The following ITPRID2 variants were observed in gnomAD, a reference collection of about 807,000 sequenced individuals.
The protein encoded by ITPRID2 is ITPR interacting domain containing 2, also known as protein ITPRID2.
A neutral mutation model predicts 124.3 loss-of-function variants in ITPRID2; 60 were observed. That is an observed-to-expected ratio of 0.48 (90% CI 0.39 to 0.60). ITPRID2 has a LOEUF of 0.60. ITPRID2 is among the 20% of genes least tolerant of loss of function. ITPRID2 has a pLI of 0.00. For missense variants in ITPRID2, 1,553 were observed against 1,512.2 expected (o/e 1.03, Z -0.45); for synonymous variants, 521 against 542.9 (o/e 0.96, Z 0.56).
chr2:181,909,366 T>C (rs903001323), intron 8 of ITPRID2, among the ~76,000 whole-genome samples: 3 of 152,322 alleles, frequency 2.0e-5, no homozygotes, highest in Non-Finnish European at 2.9e-5. Context: ...GCGAGACTTA[T>C]AATTACCTCA....
Position 181,915,779 on chromosome 2 carries a change from C to T in ITPRID2, c.2139C>T (p.Ser713=), listed in dbSNP as rs567178064. Residue 713 remains serine, a synonymous_variant, in exon 11 of 18, where the codon AGC becomes AGT. Transcript: ENST00000431877. ...CSLSNQRMGR[S]LLKSKDLLKQ... is the part of the protein sequence containing the mutation. Reference sequence around the variant, plus strand: ...TGTCTAATCAAAGGATGGGGCGTAGCCTGCTAAAATCAAAAGATTTGTTAA... The same window carrying T: ...TGTCTAATCAAAGGATGGGGCGTAGTCTGCTAAAATCAAAAGATTTGTTAA... 1.2e-6 allele frequency: 2 copies of T among 1,614,086 alleles called. No homozygotes were observed. Among genetic ancestry groups the T allele is most frequent in the South Asian group, 1.1e-5 (1 of 91,080 alleles).
At chr2:181,918,300 G>GT (rs1316012101) in intron 11 of ITPRID2, 39 of 1,129,538 alleles carry the variant, frequency 3.5e-5, no homozygotes, top group Non-Finnish European at 4.0e-5. Context: ...ACATTTTTGC[G>GT]TTTTGATTTT....
intron 2 of ITPRID2, among the ~76,000 whole-genome samples, chr2:181,894,848 T>C (rs1341830168): frequency 2.0e-5 from 3 of 152,130 alleles, no homozygotes; most frequent in Non-Finnish European, 2.9e-5. Context: ...TTCCTGTTAC[T>C]CTGCTTATCT....
intron 8 of ITPRID2, among the ~76,000 whole-genome samples, chr2:181,909,266 A>G (rs1440057665): frequency 1.3e-5 from 2 of 152,208 alleles, no homozygotes; most frequent in East Asian, 1.9e-4. Context: ...AGGACAAAGC[A>G]GTCTTAAACC....
At position 181,916,563 on chromosome 2, in the gene ITPRID2, A is replaced by G. The variant is rs1045208917; in HGVS notation, c.2787+136A>G. 6.1e-6 allele frequency: 7 copies of G among 1,156,266 alleles called. No individual in the cohort carries two copies. In the African/African-American group the frequency reaches 1.1e-4, roughly 18 times the overall value. 71.6% of individuals were successfully genotyped at this position (1,156,266 alleles called of 1,614,324 possible). On this transcript the variant is annotated intron_variant, in intron 11 of 17. Transcript: ENST00000431877. ...TCTGACATGTCTAAACTTAATCTGC[A>G]TCTGCCTTCGTTTTCTATCTTCCCT...
At chr2:181,904,914 C>T (rs1692976279) in intron 8 of ITPRID2, among the ~76,000 whole-genome samples, 1 of 152,108 alleles carries the variant, frequency 6.6e-6, no homozygotes, top group Non-Finnish European at 1.5e-5. Flanking sequence ...TGAGACTGCT[C>T]CTGGCCTGGT....
At position 181,892,679 on chromosome 2, in the gene ITPRID2, G is replaced by A; in HGVS notation, c.257+19G>A. 6.2e-7 allele frequency: 1 copy of A among 1,613,808 alleles called. No homozygotes were observed. The highest frequency in any genetic ancestry group is 8.5e-7 in the Non-Finnish European group (1 of 1,179,904). ...ACTGCCGGTGAGTGCTCCCTGGTCC[G>A]CCCGCGTCCCGGGGGAGATCCGTGC... On this transcript the variant is annotated intron_variant, in intron 2 of 17. Transcript: ENST00000431877. The surrounding 1 kb of genome is among the most constrained non-coding windows in gnomAD (Gnocchi z 5.2).
chr2:181,892,211 C>T lies in ITPRID2; in HGVS notation c.145C>T (p.Gln49Ter). The T allele has an allele frequency of 6.4e-7, 1 of 1,552,138 alleles. No homozygotes were observed. The highest frequency in any genetic ancestry group is 8.7e-7 in the Non-Finnish European group (1 of 1,147,684). ...TEDLSTEATT[Q>*]DEEEDEEEDL... ...GGATCTGTCCACAGAAGCGACGACG[C>T]AGGACGAGGAGGAGGACGAGGAGGA... is the stretch of plus-strand genomic sequence containing the variant. The change falls in exon 1 of 18, where the codon CAG becomes TAG. Residue 49 changes from glutamine to a stop codon, truncating the protein, a stop_gained. Coordinates refer to ENST00000431877, the MANE Select transcript of ITPRID2 (RefSeq NM_001130445.3). LOFTEE classifies it high-confidence loss of function. This position sits in a 1 kb window ranked among gnomAD's most constrained non-coding sequence, Gnocchi z 5.2.
intron 15 of ITPRID2, 108 bp downstream of exon 15, chr2:181,920,770 TG>T: frequency 1.2e-6 from 1 of 864,780 alleles, no homozygotes; most frequent in Non-Finnish European, 1.8e-6. Context: ...ATACATAATT[TG>T]ATAAATTATT....
chr2:181,897,559 G>C (rs1692304565), intron 4 of ITPRID2, among the ~76,000 whole-genome samples: 1 of 150,942 alleles, frequency 6.6e-6, no homozygotes, highest in Non-Finnish European at 1.5e-5. Context: ...TTTTCCAGTA[G>C]ATTTATAATA....
At chr2:181,921,818 A>G (rs1694499763) in intron 15 of ITPRID2, 130 bp from the exon 16 acceptor site, 1 of 825,330 alleles carries the variant, frequency 1.2e-6, no homozygotes, top group Non-Finnish European at 1.9e-6. Context: ...TAGTTATTAA[A>G]TTAATGGAAT....
chr2:181,902,545 G>T lies in ITPRID2; in HGVS notation c.1413+79G>T. 2 of 1,047,448 alleles carry T rather than the reference G, an allele frequency of 1.9e-6. No individual in the cohort carries two copies. Among genetic ancestry groups the T allele is most frequent in the Non-Finnish European group, 2.7e-6 (2 of 735,482 alleles). The allele number at this position is 1,047,448 out of a possible 1,614,324, so 64.9% of individuals were successfully genotyped here. A position where few individuals can be genotyped will look rare whatever the true frequency, so the allele number is the denominator to read the frequency against. On this transcript the variant is annotated intron_variant, in intron 8 of 17. Coordinates refer to ENST00000431877, the MANE Select transcript of ITPRID2 (RefSeq NM_001130445.3). This position sits in a 1 kb window ranked among gnomAD's most constrained non-coding sequence, Gnocchi z 4.4. ...ACCAAAAATGCTTATAAAATGAGAG[G>T]TAGCTAATAGATTTATACTAGAAAA... is the stretch of plus-strand genomic sequence containing the variant.
Position 181,916,227 on chromosome 2 carries a change from A to G in ITPRID2, c.2587A>G (p.Arg863Gly). 6.2e-7 allele frequency: 1 copy of G among 1,614,224 alleles called. No homozygotes were observed. Among genetic ancestry groups the G allele is most frequent in the Non-Finnish European group, 8.5e-7 (1 of 1,180,024 alleles). ...WQERPLCEHTRTLSTHSVPNI... is the reference protein window; with the variant it reads ...WQERPLCEHTGTLSTHSVPNI... ...AGAAAGGCCCCTGTGTGAGCACACA[A>G]GAACTCTGAGCACTCACAGTGTTCC... is the stretch of plus-strand genomic sequence containing the variant. Residue 863 changes from arginine (R) to glycine (G), a missense_variant, in exon 11 of 18, where the codon AGA becomes GGA. Coordinates refer to ENST00000431877, the MANE Select transcript of ITPRID2 (RefSeq NM_001130445.3).
Position 181,915,442 on chromosome 2 carries a change from C to A in ITPRID2, c.1802C>A (p.Thr601Asn). Reference sequence around the variant, plus strand: ...AGCCAGGATTTCCCTCAGTGCAACACCATTGAGAATACAGGAACTAAACAG... The same window carrying A: ...AGCCAGGATTTCCCTCAGTGCAACAACATTGAGAATACAGGAACTAAACAG... ...SGSQDFPQCN[T>N]IENTGTKQST... The change falls in exon 11 of 18, where the codon ACC becomes AAC. Residue 601 changes from threonine to asparagine, a missense_variant. Coordinates refer to ENST00000431877, the MANE Select transcript of ITPRID2 (RefSeq NM_001130445.3). 6.2e-7 allele frequency: 1 copy of A among 1,614,084 alleles called. No homozygotes were observed. The highest frequency in any genetic ancestry group is 8.5e-7 in the Non-Finnish European group (1 of 1,180,020).
chr2:181,902,163 T>TA lies in ITPRID2; in HGVS notation c.1111dup (p.Thr371AsnfsTer5), dbSNP rs1692721407. 1.2e-6 allele frequency: 2 copies of TA among 1,613,804 alleles called. No homozygotes were observed. The highest frequency in any genetic ancestry group is 1.7e-6 in the Non-Finnish European group (2 of 1,179,800). ...AAGTCTCTGGTAGTTCAGCAGCTGT[T>TA]ACGGAGAATGCTGATAGTGATAGAA... On this transcript the variant is annotated frameshift_variant, in exon 8 of 18. Coordinates refer to ENST00000431877, the MANE Select transcript of ITPRID2 (RefSeq NM_001130445.3). LOFTEE classifies it high-confidence loss of function. This position sits in a 1 kb window ranked among gnomAD's most constrained non-coding sequence, Gnocchi z 4.4.
intron 9 of ITPRID2, among the ~76,000 whole-genome samples, chr2:181,913,373 G>A (rs1693777261): frequency 6.6e-6 from 1 of 152,046 alleles, no homozygotes; most frequent in African/African-American, 2.4e-5. Flanking sequence ...AGCCCTAACT[G>A]TGTTTTTTAA....
intron 6 of ITPRID2, among the ~76,000 whole-genome samples, chr2:181,899,353 G>T (rs1301668721): frequency 1.3e-5 from 2 of 152,094 alleles, no homozygotes. Context: ...CCATAAATGA[G>T]TATTTTGAGC....
chr2:181,927,820 A>G (rs900467535), intron 16 of ITPRID2, among the ~76,000 whole-genome samples: 1 of 152,226 alleles, frequency 6.6e-6, no homozygotes, highest in Non-Finnish European at 1.5e-5. Flanking sequence ...AGACAATACT[A>G]AAAACATTTA....
chr2:181,902,335 G>C lies in ITPRID2; in HGVS notation c.1282G>C (p.Glu428Gln). Residue 428 changes from glutamate (E) to glutamine (Q), a missense_variant, in exon 8 of 18, where the codon GAG (glutamate) becomes CAG (glutamine). Transcript: ENST00000431877. The surrounding 1 kb of genome is among the most constrained non-coding windows in gnomAD (Gnocchi z 4.4). ...DSDFNISSHS[E>Q]LENSSELKSV... ...TGATTTCAACATATCCAGCCACAGT[G>C]AGCTGGAAAATAGCAGTGAGCTGAA... 3 of 1,613,852 alleles carry C rather than the reference G, an allele frequency of 1.9e-6. No individual in the cohort carries two copies. The highest frequency in any genetic ancestry group is 1.7e-6 in the Non-Finnish European group (2 of 1,179,774).
Sources: gnomAD v4.1 joint callset for allele counts (sites outside exome capture counted in the v4.1 genomes callset) on GRCh38, gnomAD v4.1.1 for gene constraint, Gnocchi (gnomAD v3.1) non-coding constraint, MANE v1.5 for transcripts, NCBI Gene and HGNC (gene_info 2026-07-23, HGNC 2026-07-21) for gene names.